The following PARP12 variants were observed in gnomAD, a reference collection of about 807,000 sequenced individuals.
PARP12 encodes the protein poly(ADP-ribose) polymerase family member 12.
In PARP12, 59 loss-of-function variants were observed where a neutral mutation model predicts 72.4. The observed-to-expected ratio is 0.81, with a 90% CI of 0.66 to 1.01. The LOEUF is 1.01. PARP12 is among the 50% of genes least tolerant of loss of function. The pLI is 0.00. For synonymous variants in PARP12, 403 were observed against 371.4 expected (o/e 1.09, Z -0.98); for missense variants, 851 against 914.0 (o/e 0.93, Z 0.89).
intron 5 of PARP12, 95 bp downstream of exon 5, chr7:140,046,789 G>A (rs1816745274): frequency 8.3e-7 from 1 of 1,199,428 alleles, no homozygotes; most frequent in East Asian, 2.8e-5. Context: ...CTCCAGACTA[G>A]GCTGCTCACA....
chr7:140,044,256 TG>T (rs1816620042), intron 5 of PARP12, among the ~76,000 whole-genome samples: 1 of 152,246 alleles, frequency 6.6e-6, no homozygotes, highest in African/African-American at 2.4e-5. Context: ...GTCTAATCCC[TG>T]GTACCCATGA....
chr7:140,051,774 T>C (rs922850773), intron 4 of PARP12, among the ~76,000 whole-genome samples: 6 of 152,176 alleles, frequency 3.9e-5, no homozygotes, highest in African/African-American at 1.2e-4. Context: ...AGATTTCCCA[T>C]TGAAACTCTT....
chr7:140,041,877 C>T (rs754322977), intron 5 of PARP12, 38 bp from the exon 6 acceptor site: 9 of 1,529,182 alleles, frequency 5.9e-6, no homozygotes, highest in Non-Finnish European at 8.1e-6. Flanking sequence ...AAAATCCCAC[C>T]AGCCAAGCAG....
intron 4 of PARP12, among the ~76,000 whole-genome samples, chr7:140,052,519 T>C (rs1304036684): frequency 6.6e-6 from 1 of 152,230 alleles, no homozygotes; most frequent in African/African-American, 2.4e-5. Flanking sequence ...ATTAATTTGA[T>C]ATTTGTTCTT....
At chr7:140,025,604 A>G (rs1815707869) in intron 11 of PARP12, 2 of 454,482 alleles carry the variant, frequency 4.4e-6, no homozygotes, top group Non-Finnish European at 8.9e-6. Context: ...GCAGAAAGAG[A>G]GAGGGAGAGA....
intron 8 of PARP12, chr7:140,028,907 T>C: frequency 2.6e-6 from 1 of 391,554 alleles, no homozygotes; most frequent in East Asian, 6.3e-5. Context: ...TCCTGAGAGA[T>C]CTATTTCTCG....
intron 4 of PARP12, among the ~76,000 whole-genome samples, chr7:140,051,383 T>A (rs769791612): frequency 2.6e-5 from 4 of 152,012 alleles, no homozygotes; most frequent in Non-Finnish European, 5.9e-5. Context: ...GGGTGCCCTT[T>A]AAAGATTTTT....
At chr7:140,042,801 C>CA (rs1816541590) in intron 5 of PARP12, among the ~76,000 whole-genome samples, 2 of 152,316 alleles carry the variant, frequency 1.3e-5, no homozygotes, top group South Asian at 4.1e-4. Flanking sequence ...GACTGATTCA[C>CA]ATTTTGGGAG....
intron 2 of PARP12, 95 bp from the exon 3 acceptor site, chr7:140,057,248 C>T: frequency 2.5e-6 from 3 of 1,189,022 alleles, no homozygotes; most frequent in Non-Finnish European, 2.4e-6. Context: ...AGGGGCTTCA[C>T]AAGCTGTGAT....
At chr7:140,054,560 T>C in intron 4 of PARP12, 102 bp downstream of exon 4, 1 of 932,216 alleles carries the variant, frequency 1.1e-6, no homozygotes, top group Non-Finnish European at 1.7e-6. Context: ...CCTCTCCGGA[T>C]GGGGTAGAGG....
chr7:140,028,860 A>G lies in PARP12; in HGVS notation c.1422-172T>C, dbSNP rs1815835018. 2.5e-5 allele frequency: 13 copies of G among 520,288 alleles called. No individual in the cohort carries two copies. The East Asian group carries it at 5.2e-4, about 21-fold the overall frequency. 32.2% of individuals were successfully genotyped at this position (520,288 alleles called of 1,614,324 possible). A position where few individuals can be genotyped will look rare whatever the true frequency, so the allele number is the denominator to read the frequency against. On this transcript the variant is annotated intron_variant, in intron 8 of 11. Coordinates refer to ENST00000263549, the MANE Select transcript of PARP12 (RefSeq NM_022750.4). ...AGCACGATATTCACAACATGAGAGC[A>G]CTTTTATCTTTGCCTATGTAGCCAA...
At chr7:140,053,128 T>C (rs1817030658) in intron 4 of PARP12, among the ~76,000 whole-genome samples, 1 of 152,144 alleles carries the variant, frequency 6.6e-6, no homozygotes, top group Non-Finnish European at 1.5e-5. Context: ...TATATCCACA[T>C]GAAAACTTAT....
intron 7 of PARP12, among the ~76,000 whole-genome samples, chr7:140,035,983 G>C (rs865958631): frequency 0.059 from 4,767 of 80,874 alleles, 1,210 homozygotes; most frequent in African/African-American, 0.16. Context: ...AGGAGGAGGA[G>C]GAGGAGGAGG....
rs144919548 is a variant in PARP12 at position 140,036,324 on chromosome 7, C to G, written c.1324+1391G>C. Among the ~76,000 whole-genome samples the G allele has an allele frequency of 2.6e-5, 4 of 152,294 alleles. No homozygotes were observed. The East Asian group carries it at 7.7e-4, about 29-fold the overall frequency. Reference sequence around the variant, plus strand: ...GTCAGATGTATGCTTGCCACACAGTCCTGACCTTCAGGGCAGTCCTGATTT... The same window carrying G: ...GTCAGATGTATGCTTGCCACACAGTGCTGACCTTCAGGGCAGTCCTGATTT... On this transcript the variant is annotated intron_variant, in intron 7 of 11. Transcript: ENST00000263549.
chr7:140,038,609 A>G (rs1816320346), intron 6 of PARP12, among the ~76,000 whole-genome samples: 1 of 152,248 alleles, frequency 6.6e-6, no homozygotes, highest in African/African-American at 2.4e-5. Context: ...TACAGTGCCC[A>G]GAACAAAACA....
chr7:140,025,894 G>A (rs75430118), intron 11 of PARP12, among the ~76,000 whole-genome samples: 6,859 of 152,252 alleles, frequency 0.045, 313 homozygotes, highest in African/African-American at 0.11. Context: ...ACTTCATCAG[G>A]GCTGGGAAGG....
chr7:140,036,149 T>TG (rs1816188588), intron 7 of PARP12, among the ~76,000 whole-genome samples: 1 of 152,166 alleles, frequency 6.6e-6, no homozygotes, highest in Non-Finnish European at 1.5e-5. Flanking sequence ...ACTGCACGTG[T>TG]GTGCTCTTCC....
At chr7:140,051,397 C>CT (rs1233405397) in intron 4 of PARP12, among the ~76,000 whole-genome samples, 98 of 141,218 alleles carry the variant, frequency 6.9e-4, no homozygotes, top group Middle Eastern at 3.6e-3. Context: ...GATTTTTTTT[C>CT]TTTTTTTTTT....
intron 4 of PARP12, among the ~76,000 whole-genome samples, chr7:140,051,580 A>G (rs10230197): frequency 0.1 from 15,919 of 152,048 alleles, 1,564 homozygotes; most frequent in African/African-American, 0.27. Flanking sequence ...TAGTAGAGAC[A>G]GGGTTTCACC....
Sources: allele counts gnomAD v4.1 joint callset (sites outside exome capture counted in the v4.1 genomes callset), GRCh38; gene constraint gnomAD v4.1.1; transcripts MANE v1.5; gene names NCBI Gene and HGNC (gene_info 2026-07-23, HGNC 2026-07-21).